TGIF1: variants seen among roughly 807,000 people sequenced by gnomAD.
TGIF1 encodes TGFB induced factor homeobox 1.
In TGIF1, 4 loss-of-function variants were observed where a neutral mutation model predicts 19.3. The ratio of observed to expected loss-of-function variants is 0.21; its 90% confidence interval spans 0.10 to 0.47. The LOEUF is 0.47. Ranked by LOEUF, TGIF1 falls within the 20% of genes least tolerant of loss-of-function variation. The pLI is 0.98. For synonymous variants in TGIF1, 122 were observed against 129.3 expected (o/e 0.94, Z 0.38); for missense variants, 275 against 341.4 (o/e 0.81, Z 1.53).
At chr18:3,413,649 C>T (rs1023335277) in intron 1 of TGIF1, among the ~76,000 whole-genome samples, 6 of 152,028 alleles carry the variant, frequency 3.9e-5, no homozygotes, top group African/African-American at 1.4e-4. Flanking sequence ...GCGGGAGGAT[C>T]ACTTGAACTC....
At chr18:3,429,737 A>G (rs2082522300) in intron 2 of TGIF1, among the ~76,000 whole-genome samples, 1 of 152,248 alleles carries the variant, frequency 6.6e-6, no homozygotes, top group East Asian at 1.9e-4. Flanking sequence ...AGGGCAATGC[A>G]TTTTAATGTT....
At chr18:3,453,346 G>A (rs748714127) in intron 1 of TGIF1, among the ~76,000 whole-genome samples, 3 of 152,188 alleles carry the variant, frequency 2.0e-5, no homozygotes, top group Middle Eastern at 3.4e-3. Context: ...TTCACAACCG[G>A]TGTCTCCCTG....
rs139106741 is a variant in TGIF1 at position 3,422,976 on chromosome 18, A to G, written c.-45+4761A>G. On this transcript the variant is annotated intron_variant, in intron 2 of 3. Coordinates refer to the TGIF1 transcript ENST00000401449. ...AGCGCTGGGATTGTAGGCGTGAGCC[A>G]CCGCGCCCAGGCTTTTTTTGTCTTT... 5.4e-3 allele frequency among the ~76,000 whole-genome samples: 825 copies of G among 152,110 alleles called. 8 individuals carry two copies. Among genetic ancestry groups the G allele is most frequent in the African/African-American group, 0.019 (772 of 41,526 alleles).
At position 3,451,500 on chromosome 18, in the gene TGIF1, A is replaced by C. The variant is rs1568047445; in HGVS notation, c.16+995A>C. On this transcript the variant is annotated intron_variant, in intron 1 of 2. Coordinates refer to ENST00000343820, the MANE Select transcript of TGIF1 (RefSeq NM_003244.4). The surrounding 1 kb of genome is among the most constrained non-coding windows in gnomAD (Gnocchi z 5.4). ...GGCGTTTCTGTCGTGATTTATGTGG[A>C]GTGGTTCAAAACAGAAGTTAATCAC... 1 of 989,916 alleles carries C rather than the reference A, an allele frequency of 1.0e-6. No individual in the cohort carries two copies. Among genetic ancestry groups the C allele is most frequent in the Non-Finnish European group, 1.2e-6 (1 of 833,332 alleles). 61.3% of individuals were successfully genotyped at this position (989,916 alleles called of 1,614,324 possible). A position where few individuals can be genotyped will look rare whatever the true frequency, so the allele number is the denominator to read the frequency against.
rs2082926142 is a variant in TGIF1, at chr18:3,451,494, A to C, written c.16+989A>C. ...GGAGGTGGCGTTTCTGTCGTGATTT[A>C]TGTGGAGTGGTTCAAAACAGAAGTT... On this transcript the variant is annotated intron_variant, in intron 1 of 2. Transcript: ENST00000343820. The surrounding 1 kb of genome is among the most constrained non-coding windows in gnomAD (Gnocchi z 5.4). 1.0e-6 allele frequency: 1 copy of C among 989,220 alleles called. No homozygotes were observed. Among genetic ancestry groups the C allele is most frequent in the Non-Finnish European group, 1.2e-6 (1 of 832,746 alleles). The allele number at this position is 989,220 out of a possible 1,614,324, so 61.3% of individuals were successfully genotyped here. A position where few individuals can be genotyped will look rare whatever the true frequency, so the allele number is the denominator to read the frequency against.
At chr18:3,454,936 A>C (rs2083118543) in intron 1 of TGIF1, among the ~76,000 whole-genome samples, 1 of 152,190 alleles carries the variant, frequency 6.6e-6, no homozygotes, top group Non-Finnish European at 1.5e-5. Context: ...AAGGGTGGGA[A>C]AAATTCCTTT....
chr18:3,448,713 GTGTC>G, upstream of TGIF1: 2 of 689,018 alleles, frequency 2.9e-6, no homozygotes, highest in Non-Finnish European at 3.4e-6. Flanking sequence ...AGGGGCGGGG[GTGTC>G]TTTTTTTTTT....
chr18:3,427,118 A>G (rs188800341), intron 2 of TGIF1, among the ~76,000 whole-genome samples: 9 of 151,748 alleles, frequency 5.9e-5, no homozygotes, highest in Admixed American at 4.6e-4. Flanking sequence ...TAATTTTTGT[A>G]TTTTTAGTAC....
chr18:3,455,438 T>TC (rs1256496227), intron 1 of TGIF1: 5 of 152,342 alleles, frequency 3.3e-5, no homozygotes, highest in South Asian at 2.1e-4. Flanking sequence ...CAAAAGAGCT[T>TC]CCTCTGGGGC....
intron 1 of TGIF1, chr18:3,455,088 TACC>T (rs1440955850): frequency 2.0e-5 from 3 of 152,156 alleles, no homozygotes; most frequent in African/African-American, 7.2e-5. Flanking sequence ...TAAAAATGCT[TACC>T]TTTACATTTT....
intron 2 of TGIF1, among the ~76,000 whole-genome samples, chr18:3,420,865 A>G (rs994654322): frequency 2.6e-5 from 4 of 152,226 alleles, no homozygotes; most frequent in Admixed American, 2.6e-4. Flanking sequence ...AGACTGATGA[A>G]CCAAAGCAAG....
rs969921501 is a variant in TGIF1 at position 3,451,892 on chromosome 18, C to A, written c.16+1387C>A. ...AGACGCCCCGTGAAAGCCGTGCCGACCCTTGGGAGGACTGACAGGTCTAGA... is the reference window on the plus strand; with the variant it reads ...AGACGCCCCGTGAAAGCCGTGCCGAACCTTGGGAGGACTGACAGGTCTAGA... On this transcript the variant is annotated intron_variant, in intron 1 of 2. Coordinates refer to ENST00000343820, the MANE Select transcript of TGIF1 (RefSeq NM_003244.4). This position sits in a 1 kb window ranked among gnomAD's most constrained non-coding sequence, Gnocchi z 5.4. The A allele has an allele frequency of 2.7e-6, 4 of 1,486,760 alleles. No individual in the cohort carries two copies. The African/African-American group carries it at 4.3e-5, about 16-fold the overall frequency. 92.1% of individuals were successfully genotyped at this position (1,486,760 alleles called of 1,614,324 possible).
At chr18:3,438,802 A>G (rs1401677904) in intron 2 of TGIF1, among the ~76,000 whole-genome samples, 1 of 152,212 alleles carries the variant, frequency 6.6e-6, no homozygotes, top group Non-Finnish European at 1.5e-5. Flanking sequence ...GTGGAAATAA[A>G]TATTTGAGAG....
At chr18:3,453,608 C>T (rs961073525) in intron 1 of TGIF1, among the ~76,000 whole-genome samples, 2 of 151,196 alleles carry the variant, frequency 1.3e-5, no homozygotes, top group Non-Finnish European at 2.9e-5. Flanking sequence ...ATCGCTTGAA[C>T]CCTGGAGGCG....
intron 2 of TGIF1, among the ~76,000 whole-genome samples, chr18:3,438,612 C>CACACACACACACACACACAA (rs2082644983): frequency 6.6e-6 from 1 of 151,592 alleles, no homozygotes; most frequent in Non-Finnish European, 1.5e-5. Flanking sequence ...CACACACACA[C>CACACACACACACACACACAA]ACACACACAC....
At chr18:3,423,149 G>A (rs1244811181) in intron 2 of TGIF1, among the ~76,000 whole-genome samples, 1 of 152,060 alleles carries the variant, frequency 6.6e-6, no homozygotes, top group East Asian at 1.9e-4. Flanking sequence ...GCATGTAGTC[G>A]GCTCTAAGTT....
rs1255284886 is a variant in TGIF1, at chr18:3,456,176, G to A, written c.17-178G>A. 4 of 729,282 alleles carry A rather than the reference G, an allele frequency of 5.5e-6. No homozygotes were observed. Among genetic ancestry groups the A allele is most frequent in the Middle Eastern group, 7.7e-4 (2 of 2,594 alleles). The allele number at this position is 729,282 out of a possible 1,614,324, so 45.2% of individuals were successfully genotyped here. ...GCATTTGGTTGAGAGCCTCCTATGT[G>A]GTGCTAGTCAAACTACTTTTACTTG... On this transcript the variant is annotated intron_variant, in intron 1 of 2. Transcript: ENST00000343820. This position sits in a 1 kb window ranked among gnomAD's most constrained non-coding sequence, Gnocchi z 4.2.
upstream of TGIF1, chr18:3,449,821 C>T (rs2082843261): frequency 2.0e-6 from 2 of 985,616 alleles, no homozygotes; most frequent in Non-Finnish European, 2.4e-6. Context: ...AGGGAGGTGT[C>T]CTTTTTTCCA....
At chr18:3,415,869 G>A (rs1210894839) in intron 1 of TGIF1, among the ~76,000 whole-genome samples, 1 of 152,184 alleles carries the variant, frequency 6.6e-6, no homozygotes, top group Non-Finnish European at 1.5e-5. Context: ...TAGTAACTTG[G>A]GATTGTCCTA....
Sources: gnomAD v4.1 joint callset for allele counts (sites outside exome capture counted in the v4.1 genomes callset) on GRCh38, gnomAD v4.1.1 for gene constraint, Gnocchi (gnomAD v3.1) non-coding constraint, MANE v1.5 for transcripts, NCBI Gene and HGNC (gene_info 2026-07-23, HGNC 2026-07-21) for gene names.